The following LAMA1 variants were observed in gnomAD, a reference collection of about 807,000 sequenced individuals.
LAMA1 encodes the protein laminin subunit alpha 1, also known as laminin subunit alpha-1.
A neutral mutation model predicts 348.7 loss-of-function variants in LAMA1; 219 were observed. The observed-to-expected ratio is 0.63, with a 90% CI of 0.56 to 0.70. The LOEUF (loss-of-function observed/expected upper bound fraction) is 0.70. Among genes scored for constraint, LAMA1 ranks in the 30% least tolerant of loss-of-function variants. LAMA1 has a pLI of 0.00. For synonymous variants in LAMA1, 1,487 were observed against 1,491.0 expected (o/e 1.00, Z 0.06); for missense variants, 3,744 against 3,888.0 (o/e 0.96, Z 0.99).
intron 42 of LAMA1, among the ~76,000 whole-genome samples, chr18:6,979,796 G>A (rs781575905): frequency 6.6e-6 from 1 of 152,004 alleles, no homozygotes; most frequent in Non-Finnish European, 1.5e-5. Context: ...CTACTCGGGA[G>A]GCTGAGGCAG....
chr18:7,017,192 C>T, intron 20 of LAMA1, 86 bp downstream of exon 20: 1 of 1,018,488 alleles, frequency 9.8e-7, no homozygotes, highest in South Asian at 1.4e-5. Context: ...CAAACTAATA[C>T]ACTTGGGGAC....
Position 7,011,418 on chromosome 18 carries a change from G to A in LAMA1, c.3569C>T (p.Thr1190Met), listed in dbSNP as rs1473438503. The A allele has an allele frequency of 5.0e-6, 8 of 1,608,566 alleles. No homozygotes were observed. Among genetic ancestry groups the A allele is most frequent in the East Asian group, 4.5e-5 (2 of 44,738 alleles). Residue 1190 changes from threonine to methionine, a missense_variant, in exon 25 of 63, where the codon ACG (threonine) becomes ATG (methionine). Physicochemically the swap from Thr to Met is moderately conservative, Grantham distance 81. Around this residue, in one of 3 missense-constraint regions of LAMA1, gnomAD observed 1,529 missense variants for 1,689.4 expected, o/e 0.91. Coordinates refer to ENST00000389658, the MANE Select transcript of LAMA1 (RefSeq NM_005559.4). ...GGCCTGGTAGTAAACCCCCTCGGTC[G>A]TGCCCCTCAAGTTACTCTGAGAAAC... ...RVVSQSNLRG[T>M]TEGVYYQAPD...
rs1239902946 is a variant in LAMA1, at chr18:6,951,025, TA to T, written c.8208-55del. The T allele has an allele frequency of 2.0e-6, 3 of 1,519,142 alleles. No homozygotes were observed. In the African/African-American group the frequency reaches 4.1e-5, roughly 21 times the overall value. 94.1% of individuals were successfully genotyped at this position (1,519,142 alleles called of 1,614,324 possible). On this transcript the variant is annotated intron_variant, in intron 57 of 62. Coordinates refer to ENST00000389658, the MANE Select transcript of LAMA1 (RefSeq NM_005559.4). ...AAAGGAAACTTTTACTTTTCATTTT[TA>T]AAACCTCAAAAGAGGACCCAACAAT...
chr18:6,973,700 T>C (rs2057668703), intron 46 of LAMA1, among the ~76,000 whole-genome samples: 1 of 152,240 alleles, frequency 6.6e-6, no homozygotes, highest in Non-Finnish European at 1.5e-5. Context: ...ATGTCTACCA[T>C]GCCACACCTT....
At chr18:6,982,766 T>G (rs930212877) in intron 40 of LAMA1, among the ~76,000 whole-genome samples, 176 bp from the exon 41 acceptor site, 6 of 152,110 alleles carry the variant, frequency 3.9e-5, no homozygotes, top group African/African-American at 1.4e-4. Flanking sequence ...AAAGACATTT[T>G]TAAGTAGATA....
chr18:7,003,801 A>C (rs2144100429), intron 29 of LAMA1, among the ~76,000 whole-genome samples: 1 of 152,304 alleles, frequency 6.6e-6, no homozygotes, highest in East Asian at 1.9e-4. Context: ...TTACATGTTA[A>C]AAAGGACTAT....
chr18:6,961,722 A>G lies in LAMA1; in HGVS notation c.7490T>C (p.Ile2497Thr), dbSNP rs2057608562. ...RSVSFLKGGY[I>T]ELPPKSLSPE... Reference sequence around the variant, plus strand: ...TGACAAAGATTTGGGTGGCAATTCAATGTAGCCGCCTTTCAGGAAGCTAAC... The same window carrying G: ...TGACAAAGATTTGGGTGGCAATTCAGTGTAGCCGCCTTTCAGGAAGCTAAC... Residue 2497 changes from isoleucine (I) to threonine (T), a missense_variant, in exon 53 of 63, where the codon ATT becomes ACT. Physicochemically the swap from Ile to Thr is moderately conservative, Grantham distance 89. This residue lies in a region of LAMA1 where 1,983 missense variants were observed against 1,934.3 expected (regional missense o/e 1.03). Coordinates refer to ENST00000389658, the MANE Select transcript of LAMA1 (RefSeq NM_005559.4). The G allele has an allele frequency of 1.9e-6, 3 of 1,614,134 alleles. No homozygotes were observed. In the East Asian group the frequency reaches 6.7e-5, roughly 36 times the overall value.
At chr18:6,969,420 A>G (rs1229964474) in intron 48 of LAMA1, among the ~76,000 whole-genome samples, 1 of 152,232 alleles carries the variant, frequency 6.6e-6, no homozygotes, top group South Asian at 2.1e-4. Flanking sequence ...GTTACCATGC[A>G]TGTCAGCATA....
chr18:7,092,037 C>G (rs2058241637), intron 1 of LAMA1, among the ~76,000 whole-genome samples: 1 of 152,160 alleles, frequency 6.6e-6, no homozygotes, highest in African/African-American at 2.4e-5. Context: ...GCACCAATGG[C>G]AGACAAATAT....
chr18:6,991,389 C>CTTTTTTTTT (rs34001050), intron 36 of LAMA1, among the ~76,000 whole-genome samples: 1 of 118,478 alleles, frequency 8.4e-6, no homozygotes, highest in Non-Finnish European at 1.7e-5. Context: ...ACTTCTTCTT[C>CTTTTTTTTT]TTTTTTTTTT....
chr18:6,978,471 T>A, intron 42 of LAMA1, 93 bp from the exon 43 acceptor site: 1 of 1,209,434 alleles, frequency 8.3e-7, no homozygotes, highest in Non-Finnish European at 1.2e-6. Flanking sequence ...CACAGAAATA[T>A]ATTATTGTCA....
chr18:7,048,105 T>C (rs545738169), intron 5 of LAMA1, among the ~76,000 whole-genome samples: 2 of 152,202 alleles, frequency 1.3e-5, no homozygotes, highest in Admixed American at 6.5e-5. Context: ...ACGGATATGT[T>C]TGCAATATAT....
chr18:7,017,444 T>G (rs2057894350), intron 19 of LAMA1, 60 bp from the exon 20 acceptor site: 2 of 1,198,352 alleles, frequency 1.7e-6, no homozygotes, highest in East Asian at 2.3e-5. Context: ...TATCATAAGA[T>G]CCGTCATCCC....
intron 1 of LAMA1, among the ~76,000 whole-genome samples, chr18:7,106,867 G>T (rs2058313921): frequency 6.6e-6 from 1 of 151,958 alleles, no homozygotes; most frequent in African/African-American, 2.4e-5. Flanking sequence ...ATGGAAGAAA[G>T]GAAGCCTAAG....
Position 6,977,441 on chromosome 18 carries a change from G to A in LAMA1, c.6345+286C>T, listed in dbSNP as rs1296282415. On this transcript the variant is annotated intron_variant, in intron 44 of 62. Coordinates refer to ENST00000389658, the MANE Select transcript of LAMA1 (RefSeq NM_005559.4). ...ATGTTCCGCACTGTCCAGGCTAATA[G>A]TTTTAAATTTAGTCTATAATGATAA... 2.6e-5 allele frequency among the ~76,000 whole-genome samples: 4 copies of A among 152,356 alleles called. 1 individual carries two copies. Among genetic ancestry groups the A allele is most frequent in the Admixed American group, 2.6e-4 (4 of 15,308 alleles).
In LAMA1 at chr18:6,961,669, C is replaced by T. The variant is rs553037503; in HGVS notation, c.7543G>A (p.Ala2515Thr). 9 of 1,614,102 alleles carry T rather than the reference C, an allele frequency of 5.6e-6. No individual in the cohort carries two copies. The Admixed American group carries it at 8.3e-5, about 15-fold the overall frequency. The change falls in exon 53 of 63, where the codon GCC (alanine) becomes ACC (threonine). Residue 2515 changes from alanine (A) to threonine (T), a missense_variant. By Grantham distance (58) the Ala-to-Thr change is moderately conservative. Around this residue, in one of 3 missense-constraint regions of LAMA1, gnomAD observed 1,983 missense variants for 1,934.3 expected, o/e 1.03. Coordinates refer to ENST00000389658, the MANE Select transcript of LAMA1 (RefSeq NM_005559.4). ...SPESEWLVTF[A>T]TTNSSGIILA... ...ATGATGCCACTGCTGTTCGTGGTGG[C>T]AAATGTTACCAGCCATTCTGATTCT...
intron 1 of LAMA1, among the ~76,000 whole-genome samples, chr18:7,085,665 G>T (rs376287544): frequency 2.6e-5 from 4 of 151,932 alleles, no homozygotes; most frequent in Non-Finnish European, 1.5e-5. Flanking sequence ...TGATCCGCCC[G>T]CCTCAGCCTC....
chr18:7,047,045 CTTT>C (rs11312379), intron 5 of LAMA1, among the ~76,000 whole-genome samples: 13 of 133,174 alleles, frequency 9.8e-5, no homozygotes, highest in African/African-American at 1.4e-4. Flanking sequence ...GCCTTGATTT[CTTT>C]TTTTTTTTTT....
chr18:6,960,359 G>C (rs1383814379), intron 53 of LAMA1: 3 of 152,182 alleles, frequency 2.0e-5, no homozygotes, highest in South Asian at 4.1e-4. Context: ...ATGAAGTACT[G>C]ATCCATGCTC....
Sources: gnomAD v4.1 joint callset for allele counts (sites outside exome capture counted in the v4.1 genomes callset) on GRCh38, gnomAD v4.1.1 for gene constraint, gnomAD v4.1.1 regional missense constraint, MANE v1.5 for transcripts, NCBI Gene and HGNC (gene_info 2026-07-23, HGNC 2026-07-21) for gene names.